CEP128: variants seen among roughly 807,000 people sequenced by gnomAD.
The protein encoded by CEP128 is centrosomal protein 128kDa.
Under a neutral mutation model 156.7 loss-of-function variants are expected in CEP128, and 132 were observed. The ratio of observed to expected loss-of-function variants is 0.84; its 90% CI spans 0.73 to 0.97. The LOEUF is 0.97. Among genes scored for constraint, CEP128 ranks in the 50% least tolerant of loss-of-function variants. CEP128 has a pLI of 0.00. For synonymous variants in CEP128, 469 were observed against 448.9 expected, an observed-to-expected ratio of 1.04 and a Z score of -0.57; for missense variants, 1,252 against 1,281.9, an observed-to-expected ratio of 0.98 and a Z score of 0.36.
At chr14:80,578,584 T>C (rs963322604) in intron 20 of CEP128, among the ~76,000 whole-genome samples, 4 of 152,150 alleles carry the variant, frequency 2.6e-5, no homozygotes, top group African/African-American at 9.7e-5. Flanking sequence ...CACAGCAAAG[T>C]TAATTGAGTT....
chr14:80,667,213 C>T (rs990566963), intron 19 of CEP128, among the ~76,000 whole-genome samples: 1 of 152,126 alleles, frequency 6.6e-6, no homozygotes, highest in African/African-American at 2.4e-5. Flanking sequence ...AGGGTACAGA[C>T]ATTAGAAGGC....
intron 19 of CEP128, among the ~76,000 whole-genome samples, chr14:80,642,909 C>A (rs1288573364): frequency 6.6e-6 from 1 of 152,012 alleles, no homozygotes; most frequent in Non-Finnish European, 1.5e-5. Flanking sequence ...CACGTGCCAC[C>A]ACGCCTGGCT....
chr14:80,542,768 T>C (rs1889821055), intron 21 of CEP128, among the ~76,000 whole-genome samples: 1 of 152,172 alleles, frequency 6.6e-6, no homozygotes, highest in Non-Finnish European at 1.5e-5. Context: ...CTCAAGTAGG[T>C]AATCACATTT....
At chr14:80,654,059 T>C (rs563747631) in intron 19 of CEP128, among the ~76,000 whole-genome samples, 5 of 152,232 alleles carry the variant, frequency 3.3e-5, no homozygotes, top group South Asian at 4.1e-4. Flanking sequence ...CCCTGCTTTA[T>C]AGAACATGAA....
At chr14:80,559,376 A>G in intron 20 of CEP128, 74 bp from the exon 21 acceptor site, 1 of 1,204,018 alleles carries the variant, frequency 8.3e-7, no homozygotes, top group Non-Finnish European at 1.2e-6. Context: ...TTAATTTACA[A>G]GTATTCTATT....
intron 8 of CEP128, among the ~76,000 whole-genome samples, chr14:80,880,684 CT>C (rs1347649624): frequency 1.6e-5 from 2 of 128,172 alleles, no homozygotes; most frequent in African/African-American, 6.1e-5. Flanking sequence ...GTGAAACCCC[CT>C]CTCTACTAAA....
intron 13 of CEP128, among the ~76,000 whole-genome samples, chr14:80,823,477 G>A (rs572295968): frequency 3.6e-4 from 55 of 152,250 alleles, no homozygotes; most frequent in Non-Finnish European, 6.6e-4. Context: ...CTGATTTTTG[G>A]CAGTCCACTG....
downstream of CEP128, among the ~76,000 whole-genome samples, chr14:80,489,669 G>T (rs906808419): frequency 2.7e-5 from 4 of 150,166 alleles, no homozygotes; most frequent in African/African-American, 1.0e-4. Context: ...TGGCCTCTTC[G>T]AATGTGACTG....
In CEP128 at chr14:80,809,327, TA is replaced by T. The variant is rs908395847; in HGVS notation, c.1210-16218del. Among the ~76,000 whole-genome samples the T allele has an allele frequency of 3.3e-5, 5 of 151,572 alleles. No homozygotes were observed. The East Asian group carries it at 5.8e-4, about 18-fold the overall frequency. On this transcript the variant is annotated intron_variant, in intron 13 of 24. Coordinates refer to ENST00000555265, the MANE Select transcript of CEP128 (RefSeq NM_152446.5). ...CTTTAAAATGATTCAATCAGAATTTTAAAAAAAAAGAAGAAACAGAGCAGAC... is the reference window on the plus strand; with the variant it reads ...CTTTAAAATGATTCAATCAGAATTTTAAAAAAAAGAAGAAACAGAGCAGAC...
At chr14:80,628,781 A>C (rs1443388535) in intron 19 of CEP128, among the ~76,000 whole-genome samples, 1 of 152,168 alleles carries the variant, frequency 6.6e-6, no homozygotes, top group Non-Finnish European at 1.5e-5. Context: ...GGAGCTACTG[A>C]TAAGTAAGCT....
downstream of CEP128, among the ~76,000 whole-genome samples, chr14:80,487,724 A>C (rs991342761): frequency 1.5e-4 from 23 of 152,236 alleles, no homozygotes; most frequent in Admixed American, 1.2e-3. Context: ...TAAGAAACTC[A>C]CTCAAAACTG....
At chr14:80,516,306 C>T (rs773385591) in intron 23 of CEP128, among the ~76,000 whole-genome samples, 1 of 152,150 alleles carries the variant, frequency 6.6e-6, no homozygotes, top group Non-Finnish European at 1.5e-5. Context: ...CTGCCTGGTG[C>T]CCTATTCTAC....
intron 20 of CEP128, among the ~76,000 whole-genome samples, chr14:80,559,895 T>C (rs1890596682): frequency 6.6e-6 from 1 of 152,258 alleles, no homozygotes; most frequent in Non-Finnish European, 1.5e-5. Context: ...AAGGACTGGC[T>C]TTAAAAGGGG....
intron 8 of CEP128, among the ~76,000 whole-genome samples, chr14:80,869,024 T>A (rs1047298331): frequency 6.6e-6 from 1 of 152,036 alleles, no homozygotes; most frequent in African/African-American, 2.4e-5. Flanking sequence ...AGAAAAAGAT[T>A]AAACAGAAAT....
chr14:80,955,241 GTC>G, intron 2 of CEP128: 2 of 314,398 alleles, frequency 6.4e-6, no homozygotes, highest in Non-Finnish European at 1.2e-5. Context: ...CAGACAGGGT[GTC>G]TAGAAGGCTA....
chr14:80,674,655 A>G (rs1045747221), intron 19 of CEP128, among the ~76,000 whole-genome samples: 1 of 151,828 alleles, frequency 6.6e-6, no homozygotes, highest in Non-Finnish European at 1.5e-5. Flanking sequence ...ATGCATATGT[A>G]TATATGTATG....
Position 80,865,764 on chromosome 14 carries a change from C to T in CEP128, c.646-2891G>A, listed in dbSNP as rs182728628. Among the ~76,000 whole-genome samples the T allele has an allele frequency of 3.9e-5, 6 of 152,220 alleles. No individual in the cohort carries two copies. In the East Asian group the frequency reaches 1.2e-3, roughly 29 times the overall value. On this transcript the variant is annotated intron_variant, in intron 8 of 24. Transcript: ENST00000555265. ...AAGCAGGCTGCCATGTTATGAGATG[C>T]TCTACGGAGACGCCACATGTCAAAG... is the stretch of plus-strand genomic sequence containing the variant.
rs1272006321 is a variant in CEP128 at position 80,504,180 on chromosome 14, T to C, written c.3181+732A>G. On this transcript the variant is annotated intron_variant, in intron 24 of 24. Transcript: ENST00000555265. ...CAAAAACAACTTATATGTATATTAA[T>C]TGAATATTAGTTGAGTATTTACTAT... Among the ~76,000 whole-genome samples the C allele has an allele frequency of 5.3e-5, 8 of 152,312 alleles. No homozygotes were observed. The East Asian group carries it at 1.2e-3, about 22-fold the overall frequency.
At chr14:80,781,328 G>C (rs546150996) in intron 15 of CEP128, among the ~76,000 whole-genome samples, 1 of 152,012 alleles carries the variant, frequency 6.6e-6, no homozygotes, top group African/African-American at 2.4e-5. Flanking sequence ...GTGGTGGTGC[G>C]CACCTGTAGT....
Sources: allele counts gnomAD v4.1 joint callset (sites outside exome capture counted in the v4.1 genomes callset), GRCh38; gene constraint gnomAD v4.1.1; transcripts MANE v1.5; gene names NCBI Gene and HGNC (gene_info 2026-07-23, HGNC 2026-07-21).